Variants in ATP6V0A1 observed in about 807,000 individuals in gnomAD.
ATP6V0A1 encodes ATPase H+ transporting V0 subunit a1.
Under a neutral mutation model 105.4 loss-of-function variants are expected in ATP6V0A1, and 43 were observed. The observed-to-expected ratio is 0.41, with a 90% CI of 0.32 to 0.53. The LOEUF (loss-of-function observed/expected upper bound fraction) is 0.53. Ranked by LOEUF, ATP6V0A1 falls within the 20% of genes least tolerant of loss-of-function variation. The pLI is 0.30. For synonymous variants in ATP6V0A1, 362 were observed against 372.8 expected (o/e 0.97, Z 0.33); for missense variants, 676 against 1,051.1 (o/e 0.64, Z 4.93).
In ATP6V0A1 at chr17:42,458,972, G is replaced by A. The variant is rs2086061302; in HGVS notation, c.-48+9G>A. ...TGTGGCGGAGTTTGGAGGTGAGTGG[G>A]GGCTGTAGGTTTAGCGCAACAGGGA... On this transcript the variant is annotated intron_variant, in intron 1 of 21. Transcript: ENST00000343619. The A allele has an allele frequency of 6.5e-6, 1 of 152,854 alleles. No homozygotes were observed. Among genetic ancestry groups the A allele is most frequent in the East Asian group, 1.9e-4 (1 of 5,348 alleles). 9.5% of individuals were successfully genotyped at this position (152,854 alleles called of 1,614,324 possible).
intron 13 of ATP6V0A1, 90 bp downstream of exon 13, chr17:42,495,278 A>C (rs1280380208): frequency 1.1e-5 from 15 of 1,402,570 alleles, no homozygotes; most frequent in Non-Finnish European, 1.5e-5. Flanking sequence ...ACACTTCTTT[A>C]GGAAGTGGTG....
chr17:42,517,989 G>A (rs1228945724), intron 21 of ATP6V0A1: 1 of 152,248 alleles, frequency 6.6e-6, no homozygotes, highest in Admixed American at 6.5e-5. Context: ...ACAGTGAGCA[G>A]GCTAATGTAT....
chr17:42,516,934 G>A (rs892125509), intron 21 of ATP6V0A1, among the ~76,000 whole-genome samples: 5 of 152,232 alleles, frequency 3.3e-5, no homozygotes, highest in African/African-American at 1.2e-4. Flanking sequence ...ACCAAGTGCT[G>A]CCACAGCAAA....
chr17:42,480,498 T>A, intron 7 of ATP6V0A1, 169 bp from the exon 8 acceptor site: 1 of 561,134 alleles, frequency 1.8e-6, no homozygotes, highest in Non-Finnish European at 3.1e-6. Context: ...GGGCAGATGT[T>A]CTTGTAGTGA....
At chr17:42,520,643 G>C (rs577542128) in intron 21 of ATP6V0A1, 153 of 459,006 alleles carry the variant, frequency 3.3e-4, no homozygotes, top group African/African-American at 2.9e-3. Flanking sequence ...CAGTGTCTCT[G>C]GAGGGGCTTC....
chr17:42,462,998 C>CTTTTTTTTTTT (rs35135162), intron 2 of ATP6V0A1, among the ~76,000 whole-genome samples: 1 of 66,174 alleles, frequency 1.5e-5, no homozygotes, highest in Non-Finnish European at 2.6e-5. Flanking sequence ...GGATATGGAA[C>CTTTTTTTTTTT]TTTTTTTTTT....
At chr17:42,464,902 T>G (rs1212576692) in intron 2 of ATP6V0A1, among the ~76,000 whole-genome samples, 2 of 152,228 alleles carry the variant, frequency 1.3e-5, no homozygotes, top group Admixed American at 1.3e-4. Context: ...TTATTTGTGT[T>G]AATTTTATGG....
intron 19 of ATP6V0A1, among the ~76,000 whole-genome samples, chr17:42,509,579 G>A (rs1428437313): frequency 6.6e-6 from 1 of 152,220 alleles, no homozygotes; most frequent in Non-Finnish European, 1.5e-5. Context: ...TTCCTGGACT[G>A]CTCATCTATG....
intron 21 of ATP6V0A1, among the ~76,000 whole-genome samples, chr17:42,515,407 T>A (rs1384618094): frequency 6.8e-6 from 1 of 147,622 alleles, no homozygotes. Context: ...AGGCAGGGGT[T>A]GCAGTGAGCT....
At position 42,505,506 on chromosome 17, in the gene ATP6V0A1, A is replaced by G. The variant is rs147557721; in HGVS notation, c.2005-2014A>G. ...GGTGTGAGCCACTGTGCCTGGACTA[A>G]TTTTTGGATTTTTAGGAGAGACGGG... On this transcript the variant is annotated intron_variant, in intron 17 of 21. Transcript: ENST00000343619. Among the ~76,000 whole-genome samples the G allele has an allele frequency of 1.5e-3, 225 of 148,682 alleles. 4 individuals are homozygous for G. In the East Asian group the frequency reaches 0.036, roughly 24 times the overall value.
In ATP6V0A1 at chr17:42,500,877, T is replaced by A; in HGVS notation, c.1850T>A (p.Leu617His). The change falls in exon 16 of 22, where the codon CTC becomes CAC. Residue 617 changes from leucine (L) to histidine (H), a missense_variant. Leu to His is a moderately conservative substitution (Grantham distance 99, BLOSUM62 -3). Coordinates refer to ENST00000343619, the MANE Select transcript of ATP6V0A1 (RefSeq NM_001130021.3). ...SLLIHFINMF[L>H]FSYPESGYSM... The stretch of plus-strand genomic sequence containing the variant: ...CTGATCCATTTCATAAACATGTTCC[T>A]CTTTTCCTACCCAGAGTCTGGTTAT... The A allele has an allele frequency of 6.2e-7, 1 of 1,614,158 alleles. No individual in the cohort carries two copies. Among genetic ancestry groups the A allele is most frequent in the South Asian group, 1.1e-5 (1 of 91,086 alleles).
chr17:42,478,794 A>G (rs1393661513), intron 7 of ATP6V0A1: 2 of 328,680 alleles, frequency 6.1e-6, no homozygotes, highest in Non-Finnish European at 5.1e-6. Context: ...CATGACATAT[A>G]CATATTTTCA....
intron 17 of ATP6V0A1, among the ~76,000 whole-genome samples, chr17:42,505,292 G>C (rs898639868): frequency 2.0e-5 from 3 of 151,818 alleles, no homozygotes; most frequent in Non-Finnish European, 4.4e-5. Flanking sequence ...TACAACCTCC[G>C]CCTCCCCAGT....
At chr17:42,460,815 T>C in intron 1 of ATP6V0A1, 33 bp from the exon 2 acceptor site, 1 of 1,217,994 alleles carries the variant, frequency 8.2e-7, no homozygotes, top group South Asian at 1.2e-5. Flanking sequence ...TCGTGGTAAT[T>C]TCCAAAGTTA....
At chr17:42,489,581 C>T (rs1256141497) in intron 10 of ATP6V0A1, among the ~76,000 whole-genome samples, 2 of 152,084 alleles carry the variant, frequency 1.3e-5, no homozygotes, top group East Asian at 3.8e-4. Context: ...ATAGGGCTAC[C>T]TGGTTCCTAG....
chr17:42,519,437 C>G (rs1278643672), intron 21 of ATP6V0A1: 4 of 152,238 alleles, frequency 2.6e-5, no homozygotes, highest in African/African-American at 9.7e-5. Context: ...GTGACTTGTC[C>G]ACTCTCTGGC....
At chr17:42,470,022 A>G (rs1266689602) in intron 4 of ATP6V0A1, 68 bp from the exon 5 acceptor site, 1 of 1,423,198 alleles carries the variant, frequency 7.0e-7, no homozygotes. Context: ...CTGTGGGATG[A>G]ATTCATTTAA....
At chr17:42,462,234 G>A in intron 2 of ATP6V0A1, among the ~76,000 whole-genome samples, 1 of 150,282 alleles carries the variant, frequency 6.7e-6, no homozygotes. Flanking sequence ...AAAAAAAAAA[G>A]AGGTGGGGGG....
rs192659256 is a variant in ATP6V0A1 at position 42,470,457 on chromosome 17, A to G, written c.423+239A>G. On this transcript the variant is annotated intron_variant, in intron 5 of 21. Transcript: ENST00000343619. ...TTTTCATCTCAATATGAGGAAAAGA[A>G]CCCTGAAGTAGTTGTATAAACATAG... 2.7e-5 allele frequency: 11 copies of G among 404,192 alleles called. No individual in the cohort carries two copies. In the East Asian group the frequency reaches 5.7e-4, roughly 21 times the overall value. The allele number at this position is 404,192 out of a possible 1,614,324, so 25.0% of individuals were successfully genotyped here.
Sources: gnomAD v4.1 joint callset for allele counts (sites outside exome capture counted in the v4.1 genomes callset) on GRCh38, gnomAD v4.1.1 for gene constraint, MANE v1.5 for transcripts, NCBI Gene and HGNC (gene_info 2026-07-23, HGNC 2026-07-21) for gene names.